CTDSPL2: variants seen among roughly 807,000 people sequenced by gnomAD.
CTDSPL2 encodes CTD small phosphatase like 2.
In CTDSPL2, 5 loss-of-function variants were observed where a neutral mutation model predicts 60.0. The observed-to-expected ratio is 0.08, with a 90% CI of 0.04 to 0.18. The LOEUF (loss-of-function observed/expected upper bound fraction) is 0.18. Among genes scored for constraint, CTDSPL2 ranks in the 10% least tolerant of loss-of-function variants. The pLI is 1.00. For synonymous variants in CTDSPL2, 186 were observed against 189.3 expected (o/e 0.98, Z 0.14); for missense variants, 370 against 548.8 (o/e 0.67, Z 3.26).
intron 1 of CTDSPL2, 75 bp downstream of exon 1, chr15:44,427,847 A>C (rs2079777145): frequency 5.1e-6 from 2 of 395,930 alleles, no homozygotes; most frequent in Non-Finnish European, 8.9e-6. Flanking sequence ...GTCTGCCGGG[A>C]TCTCCTCCCC....
intron 2 of CTDSPL2, among the ~76,000 whole-genome samples, chr15:44,471,219 G>C (rs1248423058): frequency 6.6e-6 from 1 of 152,112 alleles, no homozygotes; most frequent in East Asian, 1.9e-4. Flanking sequence ...TCCTGTGTGT[G>C]AGTCTACCAC....
At chr15:44,450,007 TA>T (rs1197404528) in intron 1 of CTDSPL2, among the ~76,000 whole-genome samples, 3 of 150,868 alleles carry the variant, frequency 2.0e-5, no homozygotes, top group South Asian at 2.1e-4. Flanking sequence ...AAAAAATTAA[TA>T]TTTTTTTACG....
intron 1 of CTDSPL2, among the ~76,000 whole-genome samples, chr15:44,438,722 G>A (rs1206995782): frequency 6.6e-6 from 1 of 152,178 alleles, no homozygotes; most frequent in Non-Finnish European, 1.5e-5. Flanking sequence ...ACGTGGTTGA[G>A]TGTGAGTCTG....
At chr15:44,435,764 G>T (rs186438333) in intron 1 of CTDSPL2, among the ~76,000 whole-genome samples, 2 of 151,716 alleles carry the variant, frequency 1.3e-5, no homozygotes, top group South Asian at 2.1e-4. Context: ...GCACCACCAC[G>T]CCTGGCTAAT....
At position 44,487,856 on chromosome 15, in the gene CTDSPL2, C is replaced by T. The variant is rs1261474803; in HGVS notation, c.475+1156C>T. On this transcript the variant is annotated intron_variant, in intron 4 of 12. Coordinates refer to ENST00000260327, the MANE Select transcript of CTDSPL2 (RefSeq NM_016396.3). ...ATAGGCCGGGCACCGTGGCTTATAC[C>T]TGTAATCACAGCACTTTAGGAGGCC... 2.0e-5 allele frequency among the ~76,000 whole-genome samples: 3 copies of T among 152,100 alleles called. No individual in the cohort carries two copies. The South Asian group carries it at 6.2e-4, about 31-fold the overall frequency.
chr15:44,515,886 T>G (rs1023644228), intron 10 of CTDSPL2, among the ~76,000 whole-genome samples: 10 of 151,128 alleles, frequency 6.6e-5, no homozygotes, highest in Non-Finnish European at 1.5e-4. Flanking sequence ...AAAAAAAGAC[T>G]TTAATAGCTG....
intron 2 of CTDSPL2, among the ~76,000 whole-genome samples, chr15:44,473,743 CTT>C: frequency 6.6e-6 from 1 of 152,286 alleles, no homozygotes. Context: ...GTTGAAGACA[CTT>C]TTTAACTTTT....
chr15:44,502,156 G>A (rs527500894), intron 8 of CTDSPL2: 7 of 208,178 alleles, frequency 3.4e-5, no homozygotes, highest in South Asian at 7.1e-5. Context: ...AATTTATTGA[G>A]GTGAAATTTA....
chr15:44,520,642 A>G (rs1567107030), intron 11 of CTDSPL2: 1 of 152,216 alleles, frequency 6.6e-6, no homozygotes, highest in Non-Finnish European at 1.5e-5. Context: ...TACATTTAAA[A>G]ATGTCTTTTA....
chr15:44,441,293 G>A (rs369968087), intron 1 of CTDSPL2, among the ~76,000 whole-genome samples: 1 of 151,958 alleles, frequency 6.6e-6, no homozygotes, highest in Non-Finnish European at 1.5e-5. Context: ...TCCTCCACTA[G>A]TCCCTTCCAG....
At chr15:44,523,060 A>C (rs2081810061) in intron 12 of CTDSPL2, among the ~76,000 whole-genome samples, 2 of 151,938 alleles carry the variant, frequency 1.3e-5, no homozygotes, top group African/African-American at 4.8e-5. Context: ...GCAGTGGCGC[A>C]ATCTCGGCTC....
At chr15:44,466,582 A>G (rs1435203855) in intron 2 of CTDSPL2, among the ~76,000 whole-genome samples, 1 of 152,218 alleles carries the variant, frequency 6.6e-6, no homozygotes, top group African/African-American at 2.4e-5. Flanking sequence ...TAGATGGTGT[A>G]TTCTACTACT....
chr15:44,505,970 T>C (rs573205941), intron 8 of CTDSPL2, among the ~76,000 whole-genome samples: 1 of 151,902 alleles, frequency 6.6e-6, no homozygotes, highest in African/African-American at 2.4e-5. Flanking sequence ...CAAATATATG[T>C]ACATACAATA....
chr15:44,446,812 GT>G (rs1157190993), intron 1 of CTDSPL2, among the ~76,000 whole-genome samples: 2 of 140,872 alleles, frequency 1.4e-5, no homozygotes, highest in Non-Finnish European at 3.0e-5. Context: ...CTGGAGTGCA[GT>G]GGTGTGATCT....
rs766673797 is a variant in CTDSPL2, at chr15:44,490,752, AATG to A, written c.476-26_476-24del. On this transcript the variant is annotated intron_variant, in intron 4 of 12. Coordinates refer to ENST00000260327, the MANE Select transcript of CTDSPL2 (RefSeq NM_016396.3). ...GTTTTTCTAAATAGGTGCATTTTTA[AATG>A]ATGATAGTACACTGAATCATGATTT... 11 of 1,555,556 alleles carry A rather than the reference AATG, an allele frequency of 7.1e-6. No homozygotes were observed. In the South Asian group the frequency reaches 1.1e-4, roughly 16 times the overall value.
intron 7 of CTDSPL2, 92 bp downstream of exon 7, chr15:44,497,230 G>T: frequency 1.4e-6 from 1 of 727,098 alleles, no homozygotes; most frequent in South Asian, 2.3e-5. Flanking sequence ...TTTTTTGTCA[G>T]GATCATGTTT....
At chr15:44,466,029 G>C (rs953093967) in intron 2 of CTDSPL2, among the ~76,000 whole-genome samples, 1 of 151,726 alleles carries the variant, frequency 6.6e-6, no homozygotes, top group Non-Finnish European at 1.5e-5. Flanking sequence ...CCATCTCCTT[G>C]GTCCAAGCAA....
chr15:44,431,133 T>C (rs2079848560), intron 1 of CTDSPL2, among the ~76,000 whole-genome samples: 1 of 151,720 alleles, frequency 6.6e-6, no homozygotes, highest in South Asian at 2.1e-4. Flanking sequence ...ACTTTTTTTT[T>C]TTTTTTTAAT....
chr15:44,484,475 C>A, intron 3 of CTDSPL2, 113 bp downstream of exon 3: 4 of 987,024 alleles, frequency 4.1e-6, no homozygotes, highest in Non-Finnish European at 6.0e-6. Flanking sequence ...TGGCTCATGC[C>A]TGTAATCCTC....
Sources: gnomAD v4.1 joint callset for allele counts (sites outside exome capture counted in the v4.1 genomes callset) on GRCh38, gnomAD v4.1.1 for gene constraint, MANE v1.5 for transcripts, NCBI Gene and HGNC (gene_info 2026-07-23, HGNC 2026-07-21) for gene names.